Variants in ISM1 observed in about 807,000 individuals in gnomAD.
The protein encoded by ISM1 is isthmin 1, also known as isthmin-1.
In ISM1, 25 loss-of-function variants were observed where a neutral mutation model predicts 46.3. The observed-to-expected ratio is 0.54, with a 90% CI of 0.39 to 0.75. The LOEUF (loss-of-function observed/expected upper bound fraction) is 0.75, where lower values mean the gene tolerates loss of function less well. ISM1 is among the 30% of genes least tolerant of loss of function. ISM1 has a pLI of 0.00. For missense variants in ISM1, 536 were observed against 625.4 expected (o/e 0.86, Z 1.52); for synonymous variants, 255 against 256.7 (o/e 0.99, Z 0.06).
chr20:13,228,835 C>A (rs747720801), intron 1 of ISM1, among the ~76,000 whole-genome samples: 1 of 152,100 alleles, frequency 6.6e-6, no homozygotes, highest in Non-Finnish European at 1.5e-5. Context: ...TCTTCTCATA[C>A]TTTTATTTCT....
At chr20:13,267,189 C>T (rs988505699) in intron 1 of ISM1, among the ~76,000 whole-genome samples, 27 of 152,166 alleles carry the variant, frequency 1.8e-4, no homozygotes, top group African/African-American at 2.7e-4. Flanking sequence ...GGCAAGGTGT[C>T]CAGTTAAATA....
At chr20:13,304,873 C>A (rs138913877), downstream of ISM1, among the ~76,000 whole-genome samples, 14 of 152,288 alleles carry the variant, frequency 9.2e-5, no homozygotes, top group African/African-American at 3.1e-4. Flanking sequence ...TTCCCCATCT[C>A]TCTTCCCCAC....
the ISM1 span, among the ~76,000 whole-genome samples, chr20:13,312,261 C>T: frequency 6.6e-6 from 1 of 152,152 alleles, no homozygotes; most frequent in Admixed American, 6.5e-5. Context: ...CAAAGCCATG[C>T]ACATGTGAGT....
chr20:13,233,695 A>C (rs1416355307), intron 1 of ISM1, among the ~76,000 whole-genome samples: 1 of 152,156 alleles, frequency 6.6e-6, no homozygotes, highest in African/African-American at 2.4e-5. Flanking sequence ...CATGGGACAT[A>C]GGAAAATACA....
chr20:13,242,501 G>C (rs981897266), intron 1 of ISM1, among the ~76,000 whole-genome samples: 8 of 152,176 alleles, frequency 5.3e-5, no homozygotes, highest in Non-Finnish European at 8.8e-5. Context: ...TGGAGGAAAA[G>C]CCCGAGAAGG....
Position 13,279,902 on chromosome 20 carries a change from A to T in ISM1, c.643+4A>T. On this transcript the variant is annotated splice_donor_region_variant and intron_variant, in intron 3 of 5. Coordinates refer to ENST00000262487, the MANE Select transcript of ISM1 (RefSeq NM_080826.2). The stretch of plus-strand genomic sequence containing the variant: ...ACCAAAGATCAGCCAGAATATGGTG[A>T]GTTTACCACCTAGTAATATAAAATT... 1 of 1,612,834 alleles carries T rather than the reference A, an allele frequency of 6.2e-7. No individual in the cohort carries two copies. The highest frequency in any genetic ancestry group is 8.5e-7 in the Non-Finnish European group (1 of 1,179,102).
chr20:13,323,646 C>A, the ISM1 span, among the ~76,000 whole-genome samples: 15 of 152,250 alleles, frequency 9.9e-5, no homozygotes, highest in African/African-American at 3.4e-4. Flanking sequence ...CATTTGATAA[C>A]CTGCATTTAT....
At chr20:13,286,593 G>A (rs2040295595) in intron 3 of ISM1, among the ~76,000 whole-genome samples, 1 of 152,176 alleles carries the variant, frequency 6.6e-6, no homozygotes. Flanking sequence ...TCGGGGGGCA[G>A]ATAAGATGGG....
chr20:13,277,753 G>C (rs2040196648), intron 2 of ISM1, among the ~76,000 whole-genome samples: 1 of 151,686 alleles, frequency 6.6e-6, no homozygotes, highest in African/African-American at 2.4e-5. Context: ...GGTAAAGCTA[G>C]TAGTGCCCTT....
At chr20:13,232,325 A>G (rs567136199) in intron 1 of ISM1, among the ~76,000 whole-genome samples, 1 of 152,308 alleles carries the variant, frequency 6.6e-6, no homozygotes, top group South Asian at 2.1e-4. Flanking sequence ...AGCAATCTCC[A>G]AGCAACCACT....
At chr20:13,224,125 C>T (rs2039485458) in intron 1 of ISM1, among the ~76,000 whole-genome samples, 1 of 152,092 alleles carries the variant, frequency 6.6e-6, no homozygotes, top group Non-Finnish European at 1.5e-5. Flanking sequence ...CAAGTAGCTG[C>T]TAATCCACCA....
At chr20:13,296,050 G>A (rs1233545218) in intron 5 of ISM1, among the ~76,000 whole-genome samples, 1 of 152,084 alleles carries the variant, frequency 6.6e-6, no homozygotes, top group African/African-American at 2.4e-5. Context: ...ACACCCCTGG[G>A]GCTTTTTGCC....
intron 1 of ISM1, among the ~76,000 whole-genome samples, chr20:13,253,877 A>ATG (rs1041028592): frequency 7.1e-5 from 7 of 98,912 alleles, no homozygotes; most frequent in South Asian, 3.1e-4. Context: ...ATATATATAT[A>ATG]TGTGTGTGTG....
Position 13,270,749 on chromosome 20 carries a change from T to A in ISM1, c.378+6T>A. On this transcript the variant is annotated splice_donor_region_variant and intron_variant, in intron 2 of 5. Transcript: ENST00000262487. ...GGCAGAATCCAAATATCCAGGTAAT[T>A]CTTGGCACCTGGAAGATGGGAGATA... 6.2e-7 allele frequency: 1 copy of A among 1,612,514 alleles called. No homozygotes were observed. The highest frequency in any genetic ancestry group is 8.5e-7 in the Non-Finnish European group (1 of 1,179,052).
chr20:13,282,738 A>C (rs1600549637), intron 3 of ISM1, among the ~76,000 whole-genome samples: 1 of 152,240 alleles, frequency 6.6e-6, no homozygotes, highest in Non-Finnish European at 1.5e-5. Context: ...GTACCTCTAA[A>C]GCAGTGCTTC....
intron 1 of ISM1, among the ~76,000 whole-genome samples, chr20:13,229,059 T>G (rs949060382): frequency 2.0e-5 from 3 of 152,160 alleles, no homozygotes; most frequent in Non-Finnish European, 2.9e-5. Flanking sequence ...TTTTCTCCCC[T>G]TCTTTTTCTT....
chr20:13,306,564 C>CAAAAAGAAAAAAAAAAAAAGA, the ISM1 span, among the ~76,000 whole-genome samples: 1 of 63,914 alleles, frequency 1.6e-5, no homozygotes. Flanking sequence ...GGAGAAAGGA[C>CAAAAAGAAAAAAAAAAAAAGA]AAAAAAAAAA....
intron 1 of ISM1, among the ~76,000 whole-genome samples, chr20:13,229,456 T>C (rs756208614): frequency 5.9e-5 from 9 of 152,260 alleles, no homozygotes; most frequent in Non-Finnish European, 8.8e-5. Flanking sequence ...GCTTCTCTCA[T>C]TAAACTAAGT....
At chr20:13,224,434 G>A (rs2039490236) in intron 1 of ISM1, among the ~76,000 whole-genome samples, 1 of 152,136 alleles carries the variant, frequency 6.6e-6, no homozygotes, top group African/African-American at 2.4e-5. Context: ...TGTATTTGAA[G>A]ACAAAACTGT....
Sources: gnomAD v4.1 joint callset for allele counts (sites outside exome capture counted in the v4.1 genomes callset) on GRCh38, gnomAD v4.1.1 for gene constraint, MANE v1.5 for transcripts, NCBI Gene and HGNC (gene_info 2026-07-23, HGNC 2026-07-21) for gene names.